The following BAZ2B variants were observed in gnomAD, a reference collection of about 807,000 sequenced individuals.
BAZ2B encodes bromodomain adjacent to zinc finger domain protein 2B.
BAZ2B carries 91 observed loss-of-function variants against 246.0 expected under a neutral mutation model. That is an observed-to-expected ratio of 0.37 (90% CI 0.31 to 0.44). BAZ2B has a LOEUF of 0.44. Ranked by LOEUF, BAZ2B falls within the 20% of genes least tolerant of loss-of-function variation. The probability of loss-of-function intolerance (pLI) is 1.00; values close to 1 mark genes in which losing one functional copy is unlikely to be tolerated. For synonymous variants in BAZ2B, 855 were observed against 860.0 expected (o/e 0.99, Z 0.10); for missense variants, 2,332 against 2,533.7 (o/e 0.92, Z 1.71).
chr2:159,487,305 A>G (rs963771308), intron 2 of BAZ2B, among the ~76,000 whole-genome samples: 4 of 152,148 alleles, frequency 2.6e-5, no homozygotes, highest in Non-Finnish European at 5.9e-5. Flanking sequence ...TGTGTCAAGG[A>G]TCTTCTTTTG....
chr2:159,465,687 C>T (rs1179504047), intron 3 of BAZ2B, among the ~76,000 whole-genome samples: 2 of 152,042 alleles, frequency 1.3e-5, no homozygotes, highest in African/African-American at 2.4e-5. Context: ...TTTGGGAGGC[C>T]GAGGTGGGCA....
chr2:159,423,457 G>A (rs2069162907), intron 13 of BAZ2B, among the ~76,000 whole-genome samples: 1 of 152,218 alleles, frequency 6.6e-6, no homozygotes, highest in Non-Finnish European at 1.5e-5. Context: ...AAGGCAATGT[G>A]GAGATTCCTC....
At chr2:159,454,007 A>T (rs560927458) in intron 3 of BAZ2B, among the ~76,000 whole-genome samples, 3 of 152,312 alleles carry the variant, frequency 2.0e-5, no homozygotes, top group Admixed American at 2.0e-4. Context: ...AATAAATGGC[A>T]TAAATTAACT....
chr2:159,438,590 G>T lies in BAZ2B; in HGVS notation c.1006C>A (p.Gln336Lys). Reference protein sequence around the residue: ...HQPLPLASESQTHSFQSQQKQ... With the variant: ...HQPLPLASESKTHSFQSQQKQ... Reference sequence around the variant, plus strand: ...TGCTGGGATTGGAATGAGTGAGTCTGGGATTCAGACGCAAGAGGTAATGGC... The same window carrying T: ...TGCTGGGATTGGAATGAGTGAGTCTTGGATTCAGACGCAAGAGGTAATGGC... The change falls in exon 8 of 37, where the codon CAG (glutamine) becomes AAG (lysine). Residue 336 changes from glutamine (Q) to lysine (K), a missense_variant. Gln to Lys is a moderately conservative substitution (Grantham distance 53). Coordinates refer to ENST00000392783, the MANE Select transcript of BAZ2B (RefSeq NM_013450.4). The T allele has an allele frequency of 6.2e-7, 1 of 1,614,160 alleles. No individual in the cohort carries two copies. The highest frequency in any genetic ancestry group is 1.3e-5 in the African/African-American group (1 of 75,052).
intron 2 of BAZ2B, among the ~76,000 whole-genome samples, chr2:159,491,970 C>T (rs991261645): frequency 6.6e-6 from 1 of 152,012 alleles, no homozygotes; most frequent in South Asian, 2.1e-4. Context: ...TTCCTCTTTC[C>T]CCATGAACCA....
At chr2:159,329,086 G>A (rs1232520255) in intron 34 of BAZ2B, among the ~76,000 whole-genome samples, 1 of 149,138 alleles carries the variant, frequency 6.7e-6, no homozygotes, top group African/African-American at 2.5e-5. Context: ...AGCCAAGATC[G>A]TGCCACTGCA....
intron 2 of BAZ2B, among the ~76,000 whole-genome samples, chr2:159,487,990 G>C (rs2080026660): frequency 6.6e-6 from 1 of 151,808 alleles, no homozygotes; most frequent in Non-Finnish European, 1.5e-5. Flanking sequence ...AAGGACAGCT[G>C]GAAAATTAAT....
the BAZ2B span, among the ~76,000 whole-genome samples, chr2:159,709,781 T>C: frequency 2.6e-5 from 4 of 152,330 alleles, no homozygotes; most frequent in Non-Finnish European, 4.4e-5. Context: ...AAGAGCATTC[T>C]AAGCTATCAG....
chr2:159,470,528 G>T (rs2077652405), intron 3 of BAZ2B, among the ~76,000 whole-genome samples: 1 of 152,202 alleles, frequency 6.6e-6, no homozygotes, highest in East Asian at 1.9e-4. Flanking sequence ...TGTTCTGAGA[G>T]GAACAGATAA....
At chr2:159,651,078 A>G in the BAZ2B span, among the ~76,000 whole-genome samples, 1 of 152,200 alleles carries the variant, frequency 6.6e-6, no homozygotes, top group African/African-American at 2.4e-5. Flanking sequence ...CATTGTGATT[A>G]TAATCTCCAG....
chr2:159,397,720 G>A (rs527647378), intron 18 of BAZ2B, among the ~76,000 whole-genome samples: 2 of 152,284 alleles, frequency 1.3e-5, no homozygotes, highest in South Asian at 4.1e-4. Context: ...TAGATGGTCA[G>A]AGCCTATCAG....
At chr2:159,504,552 A>G (rs2082142758) in intron 2 of BAZ2B, among the ~76,000 whole-genome samples, 1 of 152,184 alleles carries the variant, frequency 6.6e-6, no homozygotes, top group Admixed American at 6.5e-5. Flanking sequence ...TTGTGCCAAT[A>G]AACTCTGCTT....
At chr2:159,388,668 C>G (rs1252793503) in intron 21 of BAZ2B, among the ~76,000 whole-genome samples, 1 of 152,122 alleles carries the variant, frequency 6.6e-6, no homozygotes, top group Non-Finnish European at 1.5e-5. Flanking sequence ...CAAATAAGTG[C>G]TTAGCACAGT....
chr2:159,499,463 GA>G (rs2081484621), intron 2 of BAZ2B, among the ~76,000 whole-genome samples: 1 of 152,126 alleles, frequency 6.6e-6, no homozygotes, highest in South Asian at 2.1e-4. Context: ...CTGCAATTCT[GA>G]ATAGTGCTGC....
intron 2 of BAZ2B, among the ~76,000 whole-genome samples, chr2:159,481,550 CA>C (rs2079230499): frequency 6.6e-6 from 1 of 151,702 alleles, no homozygotes; most frequent in Non-Finnish European, 1.5e-5. Flanking sequence ...TCCAAAATAT[CA>C]ATTAAATGAA....
chr2:159,328,975 A>G (rs2064205318), intron 34 of BAZ2B, among the ~76,000 whole-genome samples: 1 of 152,070 alleles, frequency 6.6e-6, no homozygotes, highest in Admixed American at 6.6e-5. Context: ...TAAAAATATA[A>G]AAGTTAACCA....
At chr2:159,581,013 A>C (rs1169737254) in intron 1 of BAZ2B, among the ~76,000 whole-genome samples, 2 of 152,206 alleles carry the variant, frequency 1.3e-5, no homozygotes, top group Non-Finnish European at 2.9e-5. Flanking sequence ...ATGGGCAAAG[A>C]CTTCATGACT....
chr2:159,425,769 G>A (rs1341133035), intron 13 of BAZ2B, among the ~76,000 whole-genome samples: 2 of 152,130 alleles, frequency 1.3e-5, no homozygotes, highest in African/African-American at 4.8e-5. Flanking sequence ...AATTTAGGGT[G>A]ATCAAAATTA....
At position 159,320,396 on chromosome 2, in the gene BAZ2B, C is replaced by A; in HGVS notation, c.6376G>T (p.Ala2126Ser). The change falls in exon 37 of 37, where the codon GCT (alanine) becomes TCT (serine). Residue 2126 changes from alanine to serine, a missense_variant. By Grantham distance (99) the Ala-to-Ser change is moderately conservative (BLOSUM62 1). This residue lies in a region of BAZ2B where 210 missense variants were observed against 232.5 expected (regional missense o/e 0.90). Coordinates refer to ENST00000392783, the MANE Select transcript of BAZ2B (RefSeq NM_013450.4). ...SGQYPNLETF[A>S]LDVRLVFDNC... ...TCAAAAACAAGCCTGACATCTAGAG[C>A]AAAGGTTTCAAGGTTTGGATACCTG... 1 of 1,570,362 alleles carries A rather than the reference C, an allele frequency of 6.4e-7. No individual in the cohort carries two copies. Among genetic ancestry groups the A allele is most frequent in the Admixed American group, 2.1e-5 (1 of 46,966 alleles).
Sources: gnomAD v4.1 joint callset for allele counts (sites outside exome capture counted in the v4.1 genomes callset) on GRCh38, gnomAD v4.1.1 for gene constraint, gnomAD v4.1.1 regional missense constraint, MANE v1.5 for transcripts, NCBI Gene and HGNC (gene_info 2026-07-23, HGNC 2026-07-21) for gene names.